The following DOP1B variants were observed in gnomAD, a reference collection of about 807,000 sequenced individuals.
The protein encoded by DOP1B is DOP1 leucine zipper like protein B.
DOP1B carries 174 observed loss-of-function variants against 233.5 expected under a neutral mutation model. The observed-to-expected ratio is 0.75, with a 90% CI of 0.66 to 0.85. The LOEUF is 0.85. DOP1B is among the 40% of genes least tolerant of loss of function. The pLI, the probability that DOP1B is intolerant of heterozygous loss-of-function variation, is 0.00. For missense variants in DOP1B, 2,652 were observed against 2,846.6 expected, an observed-to-expected ratio of 0.93 and a Z score of 1.56; for synonymous variants, 1,190 against 1,185.6, an observed-to-expected ratio of 1.00 and a Z score of -0.08.
intron 27 of DOP1B, among the ~76,000 whole-genome samples, chr21:36,275,375 C>G (rs1041006821): frequency 6.6e-6 from 1 of 151,976 alleles, no homozygotes; most frequent in African/African-American, 2.4e-5. Context: ...GCCTGTAATC[C>G]CAGCACTTTG....
rs939670383 is a variant in DOP1B at position 36,208,621 on chromosome 21, G to T, written c.492-94G>T. The stretch of plus-strand genomic sequence containing the variant: ...GGGGCTTCCCCAGCCAGGCGAATCC[G>T]CTGTGGTTCTTCATGCAGCATTCGC... On this transcript the variant is annotated intron_variant, in intron 4 of 36. Transcript: ENST00000691173. 4 of 1,357,126 alleles carry T rather than the reference G, an allele frequency of 2.9e-6. No homozygotes were observed. In the Admixed American group the frequency reaches 7.0e-5, roughly 24 times the overall value. The allele number at this position is 1,357,126 out of a possible 1,614,324, so 84.1% of individuals were successfully genotyped here.
At chr21:36,217,750 A>G (rs2066577110) in intron 9 of DOP1B, among the ~76,000 whole-genome samples, 1 of 152,192 alleles carries the variant, frequency 6.6e-6, no homozygotes. Flanking sequence ...TTTTCCTGCT[A>G]GTGTAGAGTA....
At chr21:36,227,139 C>T (rs2066695992) in intron 12 of DOP1B, among the ~76,000 whole-genome samples, 1 of 148,320 alleles carries the variant, frequency 6.7e-6, no homozygotes, top group Admixed American at 6.8e-5. Flanking sequence ...ACCTGGGAGG[C>T]AGAGCTTGCA....
rs762226043 is a variant in DOP1B at position 36,199,028 on chromosome 21, G to A, written c.139-42G>A. ...AGATCCACTCTCCATTGTAAATATC[G>A]CTGCCTTCTTCCTCATGTGTTTTTT... On this transcript the variant is annotated intron_variant, in intron 2 of 36. Coordinates refer to ENST00000691173, the MANE Select transcript of DOP1B (RefSeq NM_001320714.2). 18 of 1,587,212 alleles carry A rather than the reference G, an allele frequency of 1.1e-5. No homozygotes were observed. In the African/African-American group the frequency reaches 1.8e-4, roughly 16 times the overall value.
At chr21:36,215,281 A>G (rs2066545983) in intron 9 of DOP1B, among the ~76,000 whole-genome samples, 1 of 152,098 alleles carries the variant, frequency 6.6e-6, no homozygotes, top group Non-Finnish European at 1.5e-5. Context: ...TTCACTGTAA[A>G]ATGAAGAGGG....
In DOP1B at chr21:36,268,680, G is replaced by A. The variant is rs559628530; in HGVS notation, c.5488-1333G>A. 4.1e-4 allele frequency among the ~76,000 whole-genome samples: 63 copies of A among 152,180 alleles called. 1 individual carries two copies. In the South Asian group the frequency reaches 8.5e-3, roughly 21 times the overall value. Reference sequence around the variant, plus strand: ...GCGGCTCCAGTCGGTCCCTTTGTTCGGGGTCGCTGACTTCCCGCAACACTC... The same window carrying A: ...GCGGCTCCAGTCGGTCCCTTTGTTCAGGGTCGCTGACTTCCCGCAACACTC... On this transcript the variant is annotated intron_variant, in intron 26 of 36. Coordinates refer to ENST00000691173, the MANE Select transcript of DOP1B (RefSeq NM_001320714.2).
At chr21:36,224,977 C>T (rs2066665667) in intron 11 of DOP1B, among the ~76,000 whole-genome samples, 1 of 151,924 alleles carries the variant, frequency 6.6e-6, no homozygotes, top group Non-Finnish European at 1.5e-5. Flanking sequence ...GGACTGGGGA[C>T]TTGGGATTAC....
At chr21:36,293,173 TC>T (rs2067578397) in intron 36 of DOP1B, 146 bp from the exon 37 acceptor site, 2 of 820,274 alleles carry the variant, frequency 2.4e-6, no homozygotes, top group African/African-American at 3.6e-5. Context: ...GCTGCTGCAC[TC>T]CAGCCTGGGC....
In DOP1B at chr21:36,223,339, G is replaced by A; in HGVS notation, c.1359G>A (p.Glu453=). The change falls in exon 11 of 37, where the codon GAG becomes GAA. Residue 453 remains glutamate, a synonymous_variant. Transcript: ENST00000691173. The stretch of plus-strand genomic sequence containing the variant: ...GGGATTATATGACAAGGTGTTTTGA[G>A]GAATGCTTTAGGTAAGTATGCAGTT... ...FLWDYMTRCF[E]ECFRPVKQRY... The A allele has an allele frequency of 6.2e-7, 1 of 1,609,282 alleles. No homozygotes were observed. Among genetic ancestry groups the A allele is most frequent in the Non-Finnish European group, 8.5e-7 (1 of 1,178,962 alleles).
chr21:36,203,004 TC>T (rs1176065842), intron 4 of DOP1B, among the ~76,000 whole-genome samples: 1 of 152,240 alleles, frequency 6.6e-6, no homozygotes, highest in Non-Finnish European at 1.5e-5. Flanking sequence ...ACACATTAGT[TC>T]CCTAAAGCTT....
At chr21:36,257,243 C>A (rs1249605218) in intron 23 of DOP1B, among the ~76,000 whole-genome samples, 2 of 152,198 alleles carry the variant, frequency 1.3e-5, no homozygotes, top group African/African-American at 4.8e-5. Flanking sequence ...GCTCTGCTCT[C>A]TGGAAGCTCA....
At chr21:36,197,880 G>T (rs113602661) in intron 2 of DOP1B, among the ~76,000 whole-genome samples, 24,058 of 151,932 alleles carry the variant, frequency 0.16, 2,286 homozygotes, top group South Asian at 0.21. Context: ...ATGTGGTGGC[G>T]TGTGCCTGTA....
rs114659975 is a variant in DOP1B, at chr21:36,265,257, C to T, written c.5487+1443C>T. On this transcript the variant is annotated intron_variant, in intron 26 of 36. Transcript: ENST00000691173. ...CTGAAAATACAAAAATTAGCCATGC[C>T]TGGTGGCGGATGCCTATAATCCCAG... Among the ~76,000 whole-genome samples, 873 of 152,130 alleles carry T rather than the reference C, an allele frequency of 5.7e-3. 11 individuals are homozygous for T. The highest frequency in any genetic ancestry group is 0.02 in the African/African-American group (837 of 41,516).
At position 36,276,840 on chromosome 21, in the gene DOP1B, C is replaced by CAA. The variant is rs57389991; in HGVS notation, c.5633-163_5633-162dup. 2.5e-3 allele frequency among the ~76,000 whole-genome samples: 269 copies of CAA among 106,180 alleles called. 6 individuals carry two copies. In the East Asian group the frequency reaches 0.037, roughly 15 times the overall value. 69.7% of individuals were successfully genotyped at this position (106,180 alleles called of 152,430 possible). On this transcript the variant is annotated intron_variant, in intron 27 of 36. Transcript: ENST00000691173. ...TGGGTGACAGGGTGAGACTCCATCT[C>CAA]AAAAAAAAAAAAAAAAAAAGAAAAA...
chr21:36,244,019 CTTT>C (rs35020490), intron 18 of DOP1B, among the ~76,000 whole-genome samples: 18 of 70,598 alleles, frequency 2.5e-4, no homozygotes, highest in Admixed American at 6.6e-4. Flanking sequence ...TTTTCCTTTC[CTTT>C]TTTTTTTTTT....
Position 36,226,164 on chromosome 21 carries a change from A to G in DOP1B, c.1473+497A>G, listed in dbSNP as rs993594618. Among the ~76,000 whole-genome samples, 6 of 152,344 alleles carry G rather than the reference A, an allele frequency of 3.9e-5. No individual in the cohort carries two copies. The South Asian group carries it at 1.2e-3, about 32-fold the overall frequency. Reference sequence around the variant, plus strand: ...TCTGTGGTATGCGCTCGTAATTCCCAGCTACTCAGGAGGCTGAGATTGGAG... The same window carrying G: ...TCTGTGGTATGCGCTCGTAATTCCCGGCTACTCAGGAGGCTGAGATTGGAG... On this transcript the variant is annotated intron_variant, in intron 12 of 36. Transcript: ENST00000691173.
intron 2 of DOP1B, among the ~76,000 whole-genome samples, chr21:36,187,182 T>G (rs1252800916): frequency 1.3e-5 from 2 of 151,094 alleles, no homozygotes; most frequent in Non-Finnish European, 2.9e-5. Context: ...GTTAGCTGGC[T>G]GTCCTGCCCC....
At chr21:36,242,151 C>CATTATTGTTGTTGTT (rs60892353) in intron 18 of DOP1B, among the ~76,000 whole-genome samples, 2 of 143,962 alleles carry the variant, frequency 1.4e-5, no homozygotes, top group Non-Finnish European at 3.0e-5. Flanking sequence ...GTTCCTTGGG[C>CATTATTGTTGTTGTT]ATTATTATTA....
rs757561480 is a variant in DOP1B, at chr21:36,233,012, G to A, written c.2559G>A (p.Val853=). 1.2e-6 allele frequency: 2 copies of A among 1,614,114 alleles called. No individual in the cohort carries two copies. Among genetic ancestry groups the A allele is most frequent in the South Asian group, 2.2e-5 (2 of 91,082 alleles). ...HNPFFGKLQM[V]TVPPIAPGIL... is the part of the protein sequence containing the mutation. Reference sequence around the variant, plus strand: ...CTTTTTTTGGCAAGCTGCAGATGGTGACGGTTCCTCCCATTGCTCCAGGGA... The same window carrying A: ...CTTTTTTTGGCAAGCTGCAGATGGTAACGGTTCCTCCCATTGCTCCAGGGA... The change falls in exon 15 of 37, where the codon GTG becomes GTA. Residue 853 remains valine, a synonymous_variant. Transcript: ENST00000691173.
Sources: allele counts gnomAD v4.1 joint callset (sites outside exome capture counted in the v4.1 genomes callset), GRCh38; gene constraint gnomAD v4.1.1; transcripts MANE v1.5; gene names NCBI Gene and HGNC (gene_info 2026-07-23, HGNC 2026-07-21).